Variants in UACA observed in about 807,000 individuals in gnomAD.
UACA encodes the protein nuclear membrane binding protein.
A neutral mutation model predicts 160.5 loss-of-function variants in UACA; 112 were observed. The ratio of observed to expected loss-of-function variants is 0.70; its 90% CI spans 0.60 to 0.82. The LOEUF (loss-of-function observed/expected upper bound fraction) is 0.82. Ranked by LOEUF, UACA falls within the 40% of genes least tolerant of loss-of-function variation. UACA has a pLI of 0.00. For synonymous variants in UACA, 557 were observed against 568.4 expected (o/e 0.98, Z 0.29); for missense variants, 1,574 against 1,614.6 (o/e 0.97, Z 0.43).
At position 70,666,885 on chromosome 15, in the gene UACA, T is replaced by A. The variant is rs1424937886; in HGVS notation, c.3799A>T (p.Lys1267Ter). 4 of 1,613,864 alleles carry A rather than the reference T, an allele frequency of 2.5e-6. No homozygotes were observed. Among genetic ancestry groups the A allele is most frequent in the Non-Finnish European group, 3.4e-6 (4 of 1,179,932 alleles). Residue 1267 changes from lysine to a stop codon, truncating the protein, a stop_gained, in exon 16 of 19, where the codon AAG becomes TAG. Transcript: ENST00000322954. LOFTEE classifies it high-confidence loss of function. ...VCEEVLHAKK[K>*]EISAKDEKEL... ...TTCTCATCTTTTGCAGATATTTCCT[T>A]CTTTTTGGCATGCAAAACTTCCTCA...
upstream of UACA, chr15:70,763,614 G>A: frequency 9.1e-7 from 1 of 1,093,700 alleles, no homozygotes; most frequent in Non-Finnish European, 1.2e-6. Flanking sequence ...CCTGGCGGGG[G>A]CGTGGCAAAC....
upstream of UACA, chr15:70,767,966 T>C (rs1267267086): frequency 1.3e-5 from 2 of 152,052 alleles, no homozygotes; most frequent in African/African-American, 4.8e-5. Flanking sequence ...AACTAAAACA[T>C]TGCATAAAAG....
At chr15:70,676,140 T>A (rs188860427) in intron 13 of UACA, among the ~76,000 whole-genome samples, 5 of 152,196 alleles carry the variant, frequency 3.3e-5, no homozygotes, top group Admixed American at 1.3e-4. Flanking sequence ...CCTGGACATA[T>A]CATCATTCAT....
chr15:70,755,194 A>G (rs2030345699), intron 1 of UACA, among the ~76,000 whole-genome samples: 1 of 152,204 alleles, frequency 6.6e-6, no homozygotes, highest in South Asian at 2.1e-4. Flanking sequence ...CAGGGCTGAT[A>G]AAATCAAAAT....
chr15:70,771,789 G>A, the UACA span, among the ~76,000 whole-genome samples: 2 of 151,434 alleles, frequency 1.3e-5, no homozygotes, highest in African/African-American at 2.5e-5. Flanking sequence ...GCATAGATGT[G>A]GAGCCAGAAC....
In UACA at chr15:70,664,662, G is replaced by A. The variant is rs151171457; in HGVS notation, c.4113C>T (p.Ala1371=). Residue 1371 remains alanine (A), a splice_region_variant and synonymous_variant, in exon 17 of 19, where the codon GCC becomes GCT. Coordinates refer to ENST00000322954, the MANE Select transcript of UACA (RefSeq NM_018003.4). ...AAGCCCCGTGTGCCTGGTTACTCACGGCCAGCTGTTGCTCCAGAGATTTCA... is the reference window on the plus strand; with the variant it reads ...AAGCCCCGTGTGCCTGGTTACTCACAGCCAGCTGTTGCTCCAGAGATTTCA... ...HQVKSLEQQL[A]DADRQHQEVI... is the part of the protein sequence containing the mutation. The A allele has an allele frequency of 3.1e-4, 498 of 1,606,890 alleles. 2 individuals are homozygous for A. The African/African-American group carries it at 5.5e-3, about 18-fold the overall frequency.
At chr15:70,743,881 T>C (rs1352848545) in intron 1 of UACA, among the ~76,000 whole-genome samples, 1 of 151,958 alleles carries the variant, frequency 6.6e-6, no homozygotes, top group Non-Finnish European at 1.5e-5. Context: ...AGTATAAAGA[T>C]TAGAAAAGGT....
intron 15 of UACA, among the ~76,000 whole-genome samples, chr15:70,670,450 T>C (rs981084634): frequency 6.6e-6 from 1 of 152,166 alleles, no homozygotes; most frequent in Non-Finnish European, 1.5e-5. Context: ...AGCCGCCCAC[T>C]TGGCCTTCTT....
intron 1 of UACA, among the ~76,000 whole-genome samples, chr15:70,727,473 C>T (rs1244709223): frequency 6.6e-6 from 1 of 152,038 alleles, no homozygotes; most frequent in African/African-American, 2.4e-5. Context: ...AAATAAGAAG[C>T]ACTTTAAAAT....
At chr15:70,694,219 G>C (rs1245017773) in intron 3 of UACA, among the ~76,000 whole-genome samples, 1 of 151,838 alleles carries the variant, frequency 6.6e-6, no homozygotes, top group Non-Finnish European at 1.5e-5. Flanking sequence ...CTGATAGATA[G>C]AAAACTAGCA....
chr15:70,768,582 CA>C, the UACA span, among the ~76,000 whole-genome samples: 4 of 151,568 alleles, frequency 2.6e-5, no homozygotes, highest in Non-Finnish European at 5.9e-5. Context: ...GGTTGAAAGG[CA>C]AAAAAAACCT....
rs557296507 is a variant in UACA, at chr15:70,655,837, T to A, written c.*1219A>T. ...ATAATTGCTAAGGCAAATTTTGCAA[T>A]TTGAGAAAACCTAACTGTAATGATC... On this transcript the variant is annotated 3_prime_UTR_variant, in exon 19 of 19. Coordinates refer to ENST00000322954, the MANE Select transcript of UACA (RefSeq NM_018003.4). 4 of 152,332 alleles carry A rather than the reference T, an allele frequency of 2.6e-5. No individual in the cohort carries two copies. The South Asian group carries it at 8.3e-4, about 32-fold the overall frequency. The allele number at this position is 152,332 out of a possible 1,614,324, so 9.4% of individuals were successfully genotyped here.
At chr15:70,706,656 T>C (rs1898532632) in intron 1 of UACA, among the ~76,000 whole-genome samples, 1 of 151,766 alleles carries the variant, frequency 6.6e-6, no homozygotes, top group Non-Finnish European at 1.5e-5. Context: ...TTCTATATAA[T>C]AACAATGAAC....
intron 1 of UACA, among the ~76,000 whole-genome samples, chr15:70,724,589 G>A (rs780316464): frequency 2.6e-5 from 4 of 151,854 alleles, no homozygotes; most frequent in Non-Finnish European, 4.4e-5. Context: ...ACTGGTGAAT[G>A]AACTAGTACA....
chr15:70,769,603 T>C, the UACA span, among the ~76,000 whole-genome samples: 1 of 151,946 alleles, frequency 6.6e-6, no homozygotes, highest in Non-Finnish European at 1.5e-5. Context: ...ATGTTTTAAA[T>C]GTGCTATTTG....
At chr15:70,682,829 G>A in intron 8 of UACA, 34 bp from the exon 9 acceptor site, 2 of 1,525,422 alleles carry the variant, frequency 1.3e-6, no homozygotes, top group Non-Finnish European at 1.8e-6. Context: ...ACAACAAAAT[G>A]GCAGGTTAAC....
In UACA at chr15:70,669,601, A is replaced by C. The variant is rs968301903; in HGVS notation, c.1222-139T>G. 20 of 624,856 alleles carry C rather than the reference A, an allele frequency of 3.2e-5. No homozygotes were observed. The East Asian group carries it at 4.4e-4, about 14-fold the overall frequency. 38.7% of individuals were successfully genotyped at this position (624,856 alleles called of 1,614,324 possible). ...AGATTAGGCAGTAAGATGGAAAAAAAATCACAATGCTGATTTTTGTGGTAA... is the reference window on the plus strand; with the variant it reads ...AGATTAGGCAGTAAGATGGAAAAAACATCACAATGCTGATTTTTGTGGTAA... On this transcript the variant is annotated intron_variant, in intron 15 of 18. Coordinates refer to ENST00000322954, the MANE Select transcript of UACA (RefSeq NM_018003.4).
intron 13 of UACA, among the ~76,000 whole-genome samples, chr15:70,672,262 GA>G (rs901380926): frequency 1.1e-4 from 16 of 146,202 alleles, no homozygotes; most frequent in South Asian, 2.2e-4. Flanking sequence ...TTGCTCAAAA[GA>G]AAAAAAAAAG....
intron 1 of UACA, among the ~76,000 whole-genome samples, chr15:70,713,925 G>A (rs932817370): frequency 6.6e-6 from 1 of 151,982 alleles, no homozygotes; most frequent in African/African-American, 2.4e-5. Flanking sequence ...CCAAAACAGA[G>A]TTTCATAAAG....
Sources: allele counts gnomAD v4.1 joint callset (sites outside exome capture counted in the v4.1 genomes callset), GRCh38; gene constraint gnomAD v4.1.1; transcripts MANE v1.5; gene names NCBI Gene and HGNC (gene_info 2026-07-23, HGNC 2026-07-21).